Variants in ESRRG observed in about 807,000 individuals in gnomAD.
ESRRG encodes the protein estrogen-related receptor gamma.
In ESRRG, 13 loss-of-function variants were observed where a neutral mutation model predicts 44.0. The observed-to-expected ratio is 0.30, with a 90% CI of 0.19 to 0.47. ESRRG has a LOEUF of 0.47. Ranked by LOEUF, ESRRG falls within the 20% of genes least tolerant of loss-of-function variation. ESRRG has a pLI of 1.00. For synonymous variants in ESRRG, 215 were observed against 214.6 expected, an observed-to-expected ratio of 1.00 and a Z score of -0.02; for missense variants, 395 against 580.6, an observed-to-expected ratio of 0.68 and a Z score of 3.29.
At chr1:216,891,846 C>G (rs932839357) in intron 2 of ESRRG, among the ~76,000 whole-genome samples, 1 of 134,656 alleles carries the variant, frequency 7.4e-6, no homozygotes, top group Non-Finnish European at 1.5e-5. Flanking sequence ...CTTGCCCAGG[C>G]TAGAGTGCAG....
chr1:217,006,168 CAT>C, intron 1 of ESRRG, among the ~76,000 whole-genome samples: 1 of 152,144 alleles, frequency 6.6e-6, no homozygotes, highest in East Asian at 1.9e-4. Context: ...GAAAAATAAA[CAT>C]ACACTCAATG....
At chr1:217,131,150 C>A (rs2092959815) in intron 1 of ESRRG, among the ~76,000 whole-genome samples, 1 of 152,110 alleles carries the variant, frequency 6.6e-6, no homozygotes, top group South Asian at 2.1e-4. Flanking sequence ...AAAATAAGTT[C>A]AGTTGTCCAT....
At chr1:216,818,783 A>AG (rs1246952531) in intron 2 of ESRRG, among the ~76,000 whole-genome samples, 2 of 151,960 alleles carry the variant, frequency 1.3e-5, no homozygotes, top group Admixed American at 1.3e-4. Context: ...CACCTACCGC[A>AG]GCCCCCAGTG....
intron 2 of ESRRG, among the ~76,000 whole-genome samples, chr1:216,925,327 C>A (rs1213036466): frequency 6.6e-6 from 1 of 152,098 alleles, no homozygotes; most frequent in Non-Finnish European, 1.5e-5. Flanking sequence ...GTCCCAGCTA[C>A]TTGGGAGGCT....
intron 2 of ESRRG, among the ~76,000 whole-genome samples, chr1:216,832,546 G>T (rs1484546461): frequency 1.3e-5 from 2 of 152,154 alleles, no homozygotes; most frequent in Non-Finnish European, 2.9e-5. Context: ...ACGAAACCCT[G>T]CAAGCTCATT....
At position 216,519,266 on chromosome 1, in the gene ESRRG, C is replaced by T; in HGVS notation, c.1018G>A (p.Ala340Thr). The change falls in exon 6 of 7, where the codon GCA becomes ACA. Residue 340 changes from alanine to threonine, a missense_variant. Physicochemically the swap from Ala to Thr is moderately conservative, Grantham distance 58. This residue lies in a region of ESRRG where 167 missense variants were observed against 251.8 expected (regional missense o/e 0.66). Coordinates refer to ENST00000408911, the MANE Select transcript of ESRRG (RefSeq NM_001438.4). ...GCATTATTTAGATCAAGAAGGCCTG[C>T]TAATTTGGACTGGTCTTCGTCCATT... The part of the protein sequence containing the change: ...YIMDEDQSKL[A>T]GLLDLNNAIL... 6.2e-7 allele frequency: 1 copy of T among 1,613,824 alleles called. No individual in the cohort carries two copies. Among genetic ancestry groups the T allele is most frequent in the South Asian group, 1.1e-5 (1 of 91,082 alleles).
chr1:217,071,113 G>A (rs980550757), intron 1 of ESRRG, among the ~76,000 whole-genome samples: 1 of 151,954 alleles, frequency 6.6e-6, no homozygotes, highest in African/African-American at 2.4e-5. Flanking sequence ...TTAAATTTGA[G>A]TTCTGTGATA....
intron 1 of ESRRG, among the ~76,000 whole-genome samples, chr1:216,948,772 T>C (rs940706246): frequency 6.6e-6 from 1 of 152,140 alleles, no homozygotes; most frequent in Non-Finnish European, 1.5e-5. Context: ...CATAAGGTTT[T>C]TAGCTGTTTT....
Position 216,898,533 on chromosome 1 carries a change from G to A in ESRRG, c.-14+41049C>T, listed in dbSNP as rs146543839. 1.4e-3 allele frequency among the ~76,000 whole-genome samples: 220 copies of A among 152,198 alleles called. 1 individual carries two copies. The highest frequency in any genetic ancestry group is 4.9e-3 in the African/African-American group (205 of 41,518). ...CTCAGGAGGCTGAGGCAGGAGAATCGCTTGAATCCAGGAGGCAGAGGCAGC... is the reference window on the plus strand; with the variant it reads ...CTCAGGAGGCTGAGGCAGGAGAATCACTTGAATCCAGGAGGCAGAGGCAGC... On this transcript the variant is annotated intron_variant, in intron 2 of 7. Coordinates refer to the ESRRG transcript ENST00000359162.
At chr1:216,948,476 C>CAA (rs5780948) in intron 1 of ESRRG, among the ~76,000 whole-genome samples, 2 of 103,374 alleles carry the variant, frequency 1.9e-5, no homozygotes, top group African/African-American at 3.7e-5. Context: ...GACTCCATCT[C>CAA]AAAAAAAAAA....
At chr1:216,702,923 A>C (rs983935654) in intron 1 of ESRRG, among the ~76,000 whole-genome samples, 9 of 152,210 alleles carry the variant, frequency 5.9e-5, no homozygotes, top group Non-Finnish European at 1.0e-4. Flanking sequence ...CAGAATAAAA[A>C]AGGAAAGAAA....
intron 3 of ESRRG, among the ~76,000 whole-genome samples, chr1:216,600,935 G>T (rs1316791562): frequency 6.6e-6 from 1 of 152,174 alleles, no homozygotes; most frequent in East Asian, 1.9e-4. Context: ...AATCTTTCCT[G>T]TCTGAACACA....
chr1:217,120,498 A>G (rs1015448043), intron 1 of ESRRG, among the ~76,000 whole-genome samples: 1 of 150,630 alleles, frequency 6.6e-6, no homozygotes, highest in Admixed American at 6.6e-5. Context: ...TGTCTTCTCT[A>G]TCTCATTTAA....
At chr1:217,135,895 G>A (rs1158743969) in intron 1 of ESRRG, among the ~76,000 whole-genome samples, 1 of 152,166 alleles carries the variant, frequency 6.6e-6, no homozygotes, top group African/African-American at 2.4e-5. Context: ...AGAGGAGCAG[G>A]CGTGCATTTT....
At chr1:216,848,848 G>T (rs1182108196) in intron 2 of ESRRG, among the ~76,000 whole-genome samples, 13 of 151,704 alleles carry the variant, frequency 8.6e-5, no homozygotes, top group Non-Finnish European at 1.6e-4. Context: ...ACATTTAATA[G>T]GTAATACTAG....
intron 2 of ESRRG, among the ~76,000 whole-genome samples, chr1:216,741,185 T>C (rs1301708544): frequency 3.4e-5 from 5 of 147,598 alleles, no homozygotes; most frequent in African/African-American, 4.9e-5. Flanking sequence ...GTAATTTATA[T>C]TATATTTATA....
chr1:217,094,715 T>G (rs1322690298), intron 1 of ESRRG, among the ~76,000 whole-genome samples: 2 of 152,212 alleles, frequency 1.3e-5, no homozygotes, highest in African/African-American at 4.8e-5. Flanking sequence ...TCTGCACATC[T>G]TGCTAGTTAT....
intron 1 of ESRRG, among the ~76,000 whole-genome samples, chr1:216,685,141 G>C (rs558177974): frequency 6.6e-6 from 1 of 152,206 alleles, no homozygotes; most frequent in Admixed American, 6.5e-5. Flanking sequence ...CATTTGGGTA[G>C]TACATGTCCC....
chr1:216,591,694 G>T (rs1205970532), intron 3 of ESRRG, among the ~76,000 whole-genome samples: 1 of 152,150 alleles, frequency 6.6e-6, no homozygotes, highest in African/African-American at 2.4e-5. Context: ...TGAACCAAGA[G>T]TTATGGGGAT....
Sources: allele counts gnomAD v4.1 joint callset (sites outside exome capture counted in the v4.1 genomes callset), GRCh38; gene constraint gnomAD v4.1.1; regional missense constraint gnomAD v4.1.1; transcripts MANE v1.5; gene names NCBI Gene and HGNC (gene_info 2026-07-23, HGNC 2026-07-21).